The following PCDHA1 variants were observed in gnomAD, a reference collection of about 807,000 sequenced individuals.
The protein encoded by PCDHA1 is protocadherin alpha-1.
Under a neutral mutation model 61.3 loss-of-function variants are expected in PCDHA1, and 42 were observed. The ratio of observed to expected loss-of-function variants is 0.69; its 90% confidence interval spans 0.54 to 0.89. The LOEUF is 0.89. PCDHA1 is among the 40% of genes least tolerant of loss of function. The pLI is 0.00. For missense variants in PCDHA1, 1,256 were observed against 1,235.3 expected (o/e 1.02, Z -0.25); for synonymous variants, 610 against 553.8 (o/e 1.10, Z -1.43).
intron 1 of PCDHA1, chr5:140,884,495 A>T: frequency 6.2e-7 from 1 of 1,614,034 alleles, no homozygotes; most frequent in Non-Finnish European, 8.5e-7. Flanking sequence ...AGTGTGCTCC[A>T]GCGCGGCAGG....
intron 3 of PCDHA1, among the ~76,000 whole-genome samples, chr5:140,994,353 C>T (rs1321687113): frequency 6.6e-6 from 1 of 152,110 alleles, no homozygotes; most frequent in East Asian, 1.9e-4. Flanking sequence ...TGTGGGACCT[C>T]AGAAGATGGA....
At chr5:140,908,348 T>C (rs977122453) in intron 1 of PCDHA1, among the ~76,000 whole-genome samples, 43 of 152,160 alleles carry the variant, frequency 2.8e-4, no homozygotes, top group Non-Finnish European at 5.3e-4. Flanking sequence ...CACTACCTCA[T>C]GTAACTTACT....
intron 1 of PCDHA1, chr5:140,854,477 T>C (rs1479298342): frequency 1.3e-5 from 2 of 149,980 alleles, no homozygotes; most frequent in African/African-American, 2.4e-5. Flanking sequence ...TAGAGAAGTA[T>C]AGAAACAGAA....
At chr5:140,830,730 G>A (rs1403638856) in intron 1 of PCDHA1, 1 of 211,824 alleles carries the variant, frequency 4.7e-6, no homozygotes, top group African/African-American at 2.3e-5. Context: ...AAATATTCTT[G>A]GATATGTCGT....
intron 1 of PCDHA1, chr5:140,871,116 C>G (rs200344692): frequency 6.2e-7 from 1 of 1,613,264 alleles, no homozygotes; most frequent in East Asian, 2.2e-5. Flanking sequence ...TGGTGGAGAG[C>G]GGACAGGCGC....
chr5:140,849,503 T>A lies in PCDHA1; in HGVS notation c.2394+60819T>A, dbSNP rs2150439338. The A allele has an allele frequency of 1.9e-6, 3 of 1,596,058 alleles. No homozygotes were observed. In the East Asian group the frequency reaches 6.7e-5, roughly 36 times the overall value. On this transcript the variant is annotated intron_variant, in intron 1 of 3. Transcript: ENST00000504120. ...CACCCCTGGCTGGTCATTGTACACT[T>A]CTTGTGGAAGTTGTGGATGTAAATG...
At position 140,850,184 on chromosome 5, in the gene PCDHA1, G is replaced by A. The variant is rs2150471787; in HGVS notation, c.2394+61500G>A. 1.2e-5 allele frequency: 19 copies of A among 1,593,814 alleles called. 2 individuals carry two copies. The highest frequency in any genetic ancestry group is 4.5e-5 in the East Asian group (2 of 44,826). ...TGCTGGACGAGAACGACAATGCGCC[G>A]GCGCTGCTGACACCTCGGATGAGGG... On this transcript the variant is annotated intron_variant, in intron 1 of 3. Coordinates refer to ENST00000504120, the MANE Select transcript of PCDHA1 (RefSeq NM_018900.4).
At chr5:140,840,106 C>T (rs1776564749) in intron 1 of PCDHA1, among the ~76,000 whole-genome samples, 1 of 151,740 alleles carries the variant, frequency 6.6e-6, no homozygotes, top group South Asian at 2.1e-4. Context: ...TTAGTGAAAT[C>T]GAGTGAAAGC....
At chr5:140,984,192 A>G (rs1233193080) in intron 3 of PCDHA1, among the ~76,000 whole-genome samples, 31 of 152,144 alleles carry the variant, frequency 2.0e-4, no homozygotes, top group Admixed American at 2.0e-3. Context: ...ATGACTTTCT[A>G]CCTTGCCTTT....
intron 1 of PCDHA1, among the ~76,000 whole-genome samples, chr5:140,945,282 T>C (rs1554216856): frequency 6.6e-6 from 1 of 152,062 alleles, no homozygotes; most frequent in African/African-American, 2.4e-5. Context: ...TTTAAAACAT[T>C]GATGAAAGAA....
At chr5:140,821,760 T>C (rs201374772) in intron 1 of PCDHA1, 197 of 1,588,374 alleles carry the variant, frequency 1.2e-4, no homozygotes, top group East Asian at 4.3e-4. Flanking sequence ...AAGCTCATAA[T>C]TGGAACGAGA....
chr5:140,929,065 C>G, intron 1 of PCDHA1: 1 of 1,614,194 alleles, frequency 6.2e-7, no homozygotes. Context: ...TACAGAGGAT[C>G]TGAGGTATGG....
chr5:140,792,212 T>G (rs1224550693), intron 1 of PCDHA1, among the ~76,000 whole-genome samples: 1 of 152,172 alleles, frequency 6.6e-6, no homozygotes, highest in East Asian at 1.9e-4. Flanking sequence ...CTCCAGTTCC[T>G]GCCTCTGTCT....
chr5:140,794,178 T>G (rs1761838233), intron 1 of PCDHA1, among the ~76,000 whole-genome samples: 1 of 152,206 alleles, frequency 6.6e-6, no homozygotes, highest in South Asian at 2.1e-4. Context: ...GGACTATTAT[T>G]CAGCCTTAAA....
intron 1 of PCDHA1, among the ~76,000 whole-genome samples, chr5:140,914,158 C>T (rs1041086072): frequency 1.2e-4 from 18 of 152,276 alleles, no homozygotes; most frequent in East Asian, 9.6e-4. Flanking sequence ...CTGTCCAATA[C>T]GGAAAGTGGG....
rs2150335753 is a variant in PCDHA1, at chr5:140,842,424, T to A, written c.2394+53740T>A. On this transcript the variant is annotated intron_variant, in intron 1 of 3. Transcript: ENST00000504120. Reference sequence around the variant, plus strand: ...CGTGAAGACGCTCAATTTGGTACTGTCATCGCCCTAATTAGCGTGAACGAC... The same window carrying A: ...CGTGAAGACGCTCAATTTGGTACTGACATCGCCCTAATTAGCGTGAACGAC... 2 of 1,613,572 alleles carry A rather than the reference T, an allele frequency of 1.2e-6. No individual in the cohort carries two copies. Among genetic ancestry groups the A allele is most frequent in the East Asian group, 4.5e-5 (2 of 44,874 alleles).
intron 1 of PCDHA1, among the ~76,000 whole-genome samples, chr5:140,907,353 A>C (rs1312030991): frequency 3.3e-5 from 5 of 152,234 alleles, no homozygotes; most frequent in Non-Finnish European, 7.3e-5. Flanking sequence ...CCGCTGCTGC[A>C]CTTCTTTAGT....
intron 1 of PCDHA1, among the ~76,000 whole-genome samples, chr5:140,922,423 T>C (rs1554200812): frequency 6.6e-6 from 1 of 152,170 alleles, no homozygotes; most frequent in Non-Finnish European, 1.5e-5. Context: ...GTACAGAGGC[T>C]GAGGGCAGAA....
intron 1 of PCDHA1, chr5:140,883,740 C>A: frequency 6.2e-7 from 1 of 1,613,368 alleles, no homozygotes; most frequent in Non-Finnish European, 8.5e-7. Context: ...GCGCTGGTCT[C>A]CTACTCGCTG....
Sources: allele counts gnomAD v4.1 joint callset (sites outside exome capture counted in the v4.1 genomes callset), GRCh38; gene constraint gnomAD v4.1.1; transcripts MANE v1.5; gene names NCBI Gene and HGNC (gene_info 2026-07-23, HGNC 2026-07-21).